The following TLN2 variants were observed in gnomAD, a reference collection of about 807,000 sequenced individuals.
TLN2 encodes talin-2.
Under a neutral mutation model 294.7 loss-of-function variants are expected in TLN2, and 118 were observed. The ratio of observed to expected loss-of-function variants is 0.40; its 90% confidence interval spans 0.34 to 0.47. The LOEUF (loss-of-function observed/expected upper bound fraction) is 0.47. TLN2 is among the 20% of genes least tolerant of loss of function. The pLI is 0.84. For missense variants in TLN2, 3,083 were observed against 3,282.2 expected, an observed-to-expected ratio of 0.94 and a Z score of 1.48; for synonymous variants, 1,431 against 1,304.5, an observed-to-expected ratio of 1.10 and a Z score of -2.09.
intron 11 of TLN2, among the ~76,000 whole-genome samples, chr15:62,680,733 C>T (rs1360166176): frequency 2.6e-5 from 4 of 151,946 alleles, no homozygotes; most frequent in African/African-American, 9.7e-5. Flanking sequence ...AGCCCCACTC[C>T]CACCCTTTCC....
chr15:62,744,468 A>G (rs2061504565), intron 32 of TLN2, among the ~76,000 whole-genome samples: 1 of 147,682 alleles, frequency 6.8e-6, no homozygotes, highest in African/African-American at 2.5e-5. Context: ...CTGGTCTGGA[A>G]CTCCTGGCCA....
intron 45 of TLN2, among the ~76,000 whole-genome samples, chr15:62,787,930 G>A (rs1303221001): frequency 6.7e-6 from 1 of 149,578 alleles, no homozygotes; most frequent in Non-Finnish European, 1.5e-5. Flanking sequence ...GGCCTCAAGT[G>A]ATCCACCCAT....
chr15:62,767,181 A>G (rs77572771), intron 41 of TLN2, among the ~76,000 whole-genome samples: 2,067 of 152,312 alleles, frequency 0.014, 25 homozygotes, highest in Non-Finnish European at 0.023. Context: ...TAGAAAATCA[A>G]TATTCTTGCT....
intron 3 of TLN2, chr15:62,637,816 T>G (rs1244427032): frequency 6.6e-6 from 1 of 152,252 alleles, no homozygotes; most frequent in East Asian, 1.9e-4. Context: ...GTTTAAAGAC[T>G]AGTTTATGGA....
intron 2 of TLN2, among the ~76,000 whole-genome samples, chr15:62,596,592 G>A (rs975979297): frequency 2.0e-5 from 3 of 151,962 alleles, no homozygotes; most frequent in Non-Finnish European, 2.9e-5. Flanking sequence ...ACCAAAACTA[G>A]CCAGGCATGA....
chr15:62,687,890 T>C (rs1036120308), intron 12 of TLN2: 6 of 152,362 alleles, frequency 3.9e-5, no homozygotes, highest in African/African-American at 1.4e-4. Flanking sequence ...TACTTAGCTG[T>C]GTCCTCATCT....
intron 1 of TLN2, among the ~76,000 whole-genome samples, chr15:62,449,864 C>T (rs2036004346): frequency 6.6e-6 from 1 of 152,178 alleles, no homozygotes; most frequent in Non-Finnish European, 1.5e-5. Context: ...GCTTAGCATT[C>T]ACAATGAAAA....
chr15:62,526,066 T>C (rs2040722968), intron 1 of TLN2, among the ~76,000 whole-genome samples: 2 of 152,248 alleles, frequency 1.3e-5, no homozygotes, highest in African/African-American at 4.8e-5. Context: ...TATTTATTAT[T>C]TTTTCTTATA....
At chr15:62,493,868 C>T (rs1021478005) in intron 1 of TLN2, among the ~76,000 whole-genome samples, 1 of 152,130 alleles carries the variant, frequency 6.6e-6, no homozygotes, top group Admixed American at 6.5e-5. Context: ...ACCTCGGCCT[C>T]CCAAAGTGCT....
At chr15:62,731,517 G>C (rs1306083107) in intron 28 of TLN2, among the ~76,000 whole-genome samples, 3 of 152,166 alleles carry the variant, frequency 2.0e-5, no homozygotes, top group Non-Finnish European at 4.4e-5. Flanking sequence ...TGTGTGGTCT[G>C]TTTCCATTTT....
chr15:62,603,681 G>A (rs1468196317), intron 2 of TLN2, among the ~76,000 whole-genome samples: 1 of 152,208 alleles, frequency 6.6e-6, no homozygotes, highest in Non-Finnish European at 1.5e-5. Context: ...AAAGCAGGAT[G>A]TCTACAGACT....
chr15:62,526,151 A>T (rs370314803), intron 1 of TLN2, among the ~76,000 whole-genome samples: 2 of 152,228 alleles, frequency 1.3e-5, no homozygotes, highest in Admixed American at 6.5e-5. Context: ...TTTATTTGAG[A>T]CGGAGGCTCT....
intron 1 of TLN2, among the ~76,000 whole-genome samples, chr15:62,479,897 A>G (rs1173013765): frequency 1.3e-5 from 2 of 152,242 alleles, no homozygotes; most frequent in South Asian, 2.1e-4. Flanking sequence ...AATAAACTCA[A>G]CAAAGTAATT....
chr15:62,517,172 C>T (rs1303902009), intron 1 of TLN2, among the ~76,000 whole-genome samples: 4 of 152,188 alleles, frequency 2.6e-5, no homozygotes, highest in African/African-American at 9.6e-5. Context: ...CCGTTCCTCC[C>T]ACTTTGTGCC....
intron 1 of TLN2, among the ~76,000 whole-genome samples, chr15:62,583,604 A>G (rs1459888850): frequency 6.6e-6 from 1 of 152,220 alleles, no homozygotes; most frequent in African/African-American, 2.4e-5. Context: ...TTTATTGTGA[A>G]CATTTCAAAG....
chr15:62,455,463 G>C (rs936683925), intron 1 of TLN2, among the ~76,000 whole-genome samples: 1 of 152,168 alleles, frequency 6.6e-6, no homozygotes, highest in Admixed American at 6.5e-5. Flanking sequence ...GTTAAAGACT[G>C]GGGCACCGCA....
Position 62,538,684 on chromosome 15 carries a change from T to C in TLN2, c.-237-51003T>C, listed in dbSNP as rs1210676694. Among the ~76,000 whole-genome samples the C allele has an allele frequency of 2.6e-5, 4 of 152,298 alleles. No individual in the cohort carries two copies. The East Asian group carries it at 5.8e-4, about 22-fold the overall frequency. ...TTTCTAGGAGGCAAAAAGAAGTTAG[T>C]TGTACCTGTAAATTAGAATGTTAAA... On this transcript the variant is annotated intron_variant, in intron 1 of 58. Coordinates refer to ENST00000636159, the MANE Select transcript of TLN2 (RefSeq NM_015059.3).
intron 2 of TLN2, among the ~76,000 whole-genome samples, chr15:62,603,183 C>T (rs1016977211): frequency 1.1e-4 from 16 of 152,276 alleles, no homozygotes; most frequent in East Asian, 1.9e-4. Flanking sequence ...TGAGCCACCG[C>T]GCCCGGCCGA....
intron 45 of TLN2, 139 bp downstream of exon 45, chr15:62,784,029 C>T (rs1156823014): frequency 2.1e-6 from 3 of 1,428,892 alleles, no homozygotes; most frequent in Non-Finnish European, 2.9e-6. Flanking sequence ...CACCACTGCA[C>T]AGCACAGGTC....
Sources: gnomAD v4.1 joint callset for allele counts (sites outside exome capture counted in the v4.1 genomes callset) on GRCh38, gnomAD v4.1.1 for gene constraint, MANE v1.5 for transcripts, NCBI Gene and HGNC (gene_info 2026-07-23, HGNC 2026-07-21) for gene names.